The following RMST variants were observed in gnomAD, a reference collection of about 807,000 sequenced individuals.
RMST encodes rhabdomyosarcoma 2 associated transcript.
intron 10 of RMST, among the ~76,000 whole-genome samples, chr12:97,519,710 T>G (rs1261075983): frequency 1.3e-5 from 2 of 152,202 alleles, no homozygotes; most frequent in African/African-American, 4.8e-5. Context: ...TGTGAGGTCA[T>G]TAGAATAAAT....
intron 10 of RMST, among the ~76,000 whole-genome samples, chr12:97,508,106 T>C (rs1195931020): frequency 6.6e-6 from 1 of 152,100 alleles, no homozygotes; most frequent in Non-Finnish European, 1.5e-5. Context: ...GAGAGTGAAT[T>C]AGTGGGAATA....
At chr12:97,479,214 G>A (rs1167762244) in intron 5 of RMST, among the ~76,000 whole-genome samples, 6 of 125,204 alleles carry the variant, frequency 4.8e-5, no homozygotes, top group Admixed American at 1.0e-4. Flanking sequence ...GTCATAGCCC[G>A]CTGCAGCCTC....
intron 10 of RMST, among the ~76,000 whole-genome samples, chr12:97,505,314 G>A (rs778105104): frequency 2.6e-5 from 4 of 152,200 alleles, no homozygotes; most frequent in Non-Finnish European, 2.9e-5. Flanking sequence ...TGCCAGTCTC[G>A]TCAAATAAGT....
At chr12:97,511,157 T>C (rs971292942) in intron 10 of RMST, among the ~76,000 whole-genome samples, 1 of 151,916 alleles carries the variant, frequency 6.6e-6, no homozygotes, top group African/African-American at 2.4e-5. Flanking sequence ...CTTCTTTTTT[T>C]TTTTTTTTTG....
chr12:97,518,240 C>A (rs1592724727), intron 10 of RMST, among the ~76,000 whole-genome samples: 2 of 152,046 alleles, frequency 1.3e-5, no homozygotes, highest in East Asian at 3.9e-4. Context: ...ATAGAAAAAT[C>A]TGATGAGATT....
At chr12:97,486,413 A>G (rs1429571935) in intron 5 of RMST, among the ~76,000 whole-genome samples, 1 of 152,232 alleles carries the variant, frequency 6.6e-6, no homozygotes, top group African/African-American at 2.4e-5. Flanking sequence ...TTTGAGGAAG[A>G]CAGACCTTTG....
intron 4 of RMST, among the ~76,000 whole-genome samples, chr12:97,464,343 G>A (rs1019851892): frequency 6.6e-6 from 1 of 152,150 alleles, no homozygotes; most frequent in African/African-American, 2.4e-5. Context: ...GAGGGGGACC[G>A]AAAAGCAGTC....
intron 10 of RMST, among the ~76,000 whole-genome samples, chr12:97,527,240 G>A (rs1256885669): frequency 6.6e-6 from 1 of 152,212 alleles, no homozygotes; most frequent in African/African-American, 2.4e-5. Flanking sequence ...GTAGCAGAGA[G>A]GAGCCGTGTG....
In RMST at chr12:97,473,170, G is replaced by A. The variant is rs1199235381; in HGVS notation, n.644+7443G>A. Among the ~76,000 whole-genome samples, 4 of 152,054 alleles carry A rather than the reference G, an allele frequency of 2.6e-5. No homozygotes were observed. In the South Asian group the frequency reaches 6.2e-4, roughly 24 times the overall value. On this transcript the variant is annotated intron_variant and non_coding_transcript_variant, in intron 5 of 13. Coordinates refer to ENST00000640149, the Ensembl canonical transcript of RMST. The stretch of plus-strand genomic sequence containing the variant: ...AATATAGGTTCAGATTATTTGTTGT[G>A]AGAATAATGAGAATATTCAGAATAA...
intron 3 of RMST, chr12:97,462,894 C>T (rs927822266): frequency 5.3e-5 from 8 of 152,324 alleles, no homozygotes; most frequent in Admixed American, 3.9e-4. Context: ...CAATGACAGT[C>T]CCACTTTTCA....
At chr12:97,506,673 C>CTGTT (rs1878695880) in intron 10 of RMST, among the ~76,000 whole-genome samples, 1 of 127,624 alleles carries the variant, frequency 7.8e-6, no homozygotes, top group African/African-American at 3.0e-5. Flanking sequence ...TTAGGGTAAT[C>CTGTT]TGTTTTTTTT....
At chr12:97,556,466 T>C (rs1047542314) in intron 11 of RMST, among the ~76,000 whole-genome samples, 1 of 152,180 alleles carries the variant, frequency 6.6e-6, no homozygotes, top group Non-Finnish European at 1.5e-5. Context: ...CATGAAAGTG[T>C]TGGATGTCAG....
intron 11 of RMST, among the ~76,000 whole-genome samples, chr12:97,531,364 C>T (rs1422885526): frequency 2.6e-5 from 4 of 151,938 alleles, no homozygotes; most frequent in African/African-American, 9.7e-5. Flanking sequence ...ATAATTGGGG[C>T]TTTTTAAAAC....
intron 11 of RMST, among the ~76,000 whole-genome samples, chr12:97,535,639 A>G (rs1160840574): frequency 6.6e-6 from 1 of 151,576 alleles, no homozygotes; most frequent in Non-Finnish European, 1.5e-5. Context: ...CCTTCACCAA[A>G]GCTGTCTTTG....
chr12:97,512,389 T>C (rs1879455327), intron 10 of RMST, among the ~76,000 whole-genome samples: 1 of 152,180 alleles, frequency 6.6e-6, no homozygotes, highest in Admixed American at 6.5e-5. Context: ...CGGTTAACAC[T>C]GCTGGCTCCG....
intron 5 of RMST, among the ~76,000 whole-genome samples, chr12:97,486,652 A>G (rs1344132226): frequency 6.6e-6 from 1 of 152,202 alleles, no homozygotes; most frequent in Admixed American, 6.6e-5. Flanking sequence ...ACTTATAATT[A>G]TTTCTGACAT....
At chr12:97,497,067 C>T (rs1877511247) in intron 10 of RMST, among the ~76,000 whole-genome samples, 1 of 152,154 alleles carries the variant, frequency 6.6e-6, no homozygotes, top group Non-Finnish European at 1.5e-5. Flanking sequence ...CTGGAGTCTG[C>T]ACATATCCCA....
chr12:97,550,676 T>C (rs1883248735), intron 11 of RMST, among the ~76,000 whole-genome samples: 1 of 152,186 alleles, frequency 6.6e-6, no homozygotes. Context: ...TTCTCGACTT[T>C]ATTATTCTTA....
intron 10 of RMST, among the ~76,000 whole-genome samples, chr12:97,516,136 C>T (rs545715608): frequency 3.9e-5 from 6 of 151,976 alleles, no homozygotes; most frequent in Non-Finnish European, 7.4e-5. Context: ...ACTATGTCAA[C>T]AGTAGTTGAC....
Sources: gnomAD v4.1 joint callset for allele counts (sites outside exome capture counted in the v4.1 genomes callset) on GRCh38, gnomAD v4.1.1 for gene constraint, MANE v1.5 for transcripts, NCBI Gene and HGNC (gene_info 2026-07-23, HGNC 2026-07-21) for gene names.